CHRM2: variants seen among roughly 807,000 people sequenced by gnomAD.
CHRM2 encodes cholinergic receptor muscarinic 2.
In CHRM2, 8 loss-of-function variants were observed where a neutral mutation model predicts 25.0. The ratio of observed to expected loss-of-function variants is 0.32; its 90% CI spans 0.19 to 0.58. The LOEUF (loss-of-function observed/expected upper bound fraction) is 0.58, where lower values mean the gene tolerates loss of function less well. Ranked by LOEUF, CHRM2 falls within the 20% of genes least tolerant of loss-of-function variation. The pLI is 0.88. For synonymous variants in CHRM2, 202 were observed against 205.7 expected (o/e 0.98, Z 0.15); for missense variants, 440 against 567.1 (o/e 0.78, Z 2.28).
At chr7:136,909,644 T>C (rs1797733662) in intron 2 of CHRM2, among the ~76,000 whole-genome samples, 1 of 151,936 alleles carries the variant, frequency 6.6e-6, no homozygotes, top group Admixed American at 6.6e-5. Flanking sequence ...TATATGTACA[T>C]GCATACACAT....
At chr7:136,872,282 A>G (rs1441511265) in intron 2 of CHRM2, among the ~76,000 whole-genome samples, 1 of 152,192 alleles carries the variant, frequency 6.6e-6, no homozygotes. Flanking sequence ...GTTCCAGTAA[A>G]AGGGAACCCA....
chr7:136,961,061 A>C (rs1401984901), intron 2 of CHRM2, among the ~76,000 whole-genome samples: 1 of 152,084 alleles, frequency 6.6e-6, no homozygotes, highest in Middle Eastern at 3.2e-3. Context: ...GAAGGTGGAG[A>C]TTGCAGCGAG....
chr7:136,957,824 TA>T, intron 2 of CHRM2, among the ~76,000 whole-genome samples: 1 of 152,336 alleles, frequency 6.6e-6, no homozygotes, highest in East Asian at 1.9e-4. Context: ...GAATAAAACA[TA>T]AAACTTTTTA....
At chr7:136,983,475 C>G (rs1802625030) in intron 2 of CHRM2, among the ~76,000 whole-genome samples, 2 of 152,184 alleles carry the variant, frequency 1.3e-5, no homozygotes, top group Admixed American at 1.3e-4. Flanking sequence ...TGTTCCCTTG[C>G]TGGTGAGGAG....
intron 2 of CHRM2, chr7:136,903,290 T>G (rs1797339216): frequency 1.9e-6 from 1 of 526,856 alleles, no homozygotes; most frequent in African/African-American, 1.9e-5. Context: ...CAGCGGACAC[T>G]TCCAACTCCA....
intron 2 of CHRM2, among the ~76,000 whole-genome samples, chr7:136,905,192 G>A (rs1452166577): frequency 1.3e-5 from 2 of 151,626 alleles, no homozygotes; most frequent in South Asian, 4.2e-4. Flanking sequence ...CCAATAATAT[G>A]GTCTTAGAAT....
At chr7:136,892,510 C>T (rs576674904) in intron 2 of CHRM2, among the ~76,000 whole-genome samples, 1 of 151,884 alleles carries the variant, frequency 6.6e-6, no homozygotes, top group African/African-American at 2.4e-5. Context: ...GAGTCTAAGT[C>T]TAAAAACAAC....
intron 2 of CHRM2, among the ~76,000 whole-genome samples, chr7:136,957,609 G>A (rs1263608896): frequency 2.0e-5 from 3 of 152,114 alleles, no homozygotes; most frequent in Admixed American, 6.5e-5. Flanking sequence ...AGTATTTATG[G>A]GATGACATGT....
chr7:137,014,892 C>T lies in CHRM2; in HGVS notation c.27C>T (p.Asn9=). The T allele has an allele frequency of 6.2e-7, 1 of 1,613,136 alleles. No homozygotes were observed. The highest frequency in any genetic ancestry group is 8.5e-7 in the Non-Finnish European group (1 of 1,179,474). The part of the protein sequence containing the change: MNNSTNSS[N]NSLALTSPYK... The stretch of plus-strand genomic sequence containing the variant: ...TGAATAACTCAACAAACTCCTCTAA[C>T]AATAGCCTGGCTCTTACAAGTCCTT... The change falls in exon 4 of 4, where the codon AAC becomes AAT. Residue 9 remains asparagine (N), a synonymous_variant. Coordinates refer to ENST00000680005, the MANE Select transcript of CHRM2 (RefSeq NM_001006630.2).
intron 2 of CHRM2, among the ~76,000 whole-genome samples, chr7:136,943,116 G>A (rs1349006902): frequency 1.3e-5 from 2 of 152,110 alleles, no homozygotes; most frequent in East Asian, 1.9e-4. Context: ...CTGTTTTGCA[G>A]TGCAGCCCAT....
At chr7:136,916,263 C>A (rs1053930020) in intron 2 of CHRM2, among the ~76,000 whole-genome samples, 1 of 151,814 alleles carries the variant, frequency 6.6e-6, no homozygotes, top group South Asian at 2.1e-4. Context: ...CAAATCTTGT[C>A]TTAGAAATAA....
intron 2 of CHRM2, among the ~76,000 whole-genome samples, chr7:136,946,875 CTG>C (rs1406766131): frequency 6.6e-6 from 1 of 152,138 alleles, no homozygotes; most frequent in Non-Finnish European, 1.5e-5. Context: ...CTTTCTGACT[CTG>C]TGGGGCCCTT....
At chr7:136,875,180 C>A (rs1225789757) in intron 2 of CHRM2, among the ~76,000 whole-genome samples, 3 of 149,458 alleles carry the variant, frequency 2.0e-5, no homozygotes, top group African/African-American at 7.4e-5. Context: ...ATATATATCT[C>A]CAGCAAGAAA....
intron 2 of CHRM2, among the ~76,000 whole-genome samples, chr7:136,886,751 A>T (rs1045261171): frequency 6.6e-6 from 1 of 152,226 alleles, no homozygotes; most frequent in South Asian, 2.1e-4. Context: ...GCACACTTGT[A>T]GTCCTAGCTA....
intron 2 of CHRM2, among the ~76,000 whole-genome samples, chr7:136,905,529 T>A (rs771095479): frequency 7.2e-5 from 11 of 151,824 alleles, no homozygotes; most frequent in Non-Finnish European, 1.5e-4. Context: ...ACACTTTGCT[T>A]GTAATTCTAG....
At chr7:137,000,823 T>C (rs1263961957) in intron 3 of CHRM2, among the ~76,000 whole-genome samples, 2 of 152,090 alleles carry the variant, frequency 1.3e-5, no homozygotes, top group Non-Finnish European at 2.9e-5. Flanking sequence ...TTTATATCCT[T>C]GTGTACTTTA....
intron 3 of CHRM2, among the ~76,000 whole-genome samples, chr7:137,005,801 T>A (rs1289220074): frequency 3.3e-5 from 5 of 152,166 alleles, no homozygotes; most frequent in Non-Finnish European, 7.3e-5. Context: ...ACATTTTTAA[T>A]TCAAAGCAAT....
intron 2 of CHRM2, among the ~76,000 whole-genome samples, chr7:136,973,597 T>C: frequency 9.0e-6 from 1 of 111,364 alleles, no homozygotes; most frequent in African/African-American, 3.3e-5. Flanking sequence ...TGGTAGGTGA[T>C]GACGGTGATG....
chr7:136,947,820 G>T (rs1800158127), intron 2 of CHRM2, among the ~76,000 whole-genome samples: 1 of 152,120 alleles, frequency 6.6e-6, no homozygotes, highest in Admixed American at 6.6e-5. Context: ...AAAATCTTGG[G>T]TACAACTGGA....
Sources: allele counts gnomAD v4.1 joint callset (sites outside exome capture counted in the v4.1 genomes callset), GRCh38; gene constraint gnomAD v4.1.1; transcripts MANE v1.5; gene names NCBI Gene and HGNC (gene_info 2026-07-23, HGNC 2026-07-21).